Variants in UBXN7 observed in about 807,000 individuals in gnomAD.
UBXN7 encodes the protein UBX domain-containing protein 7.
A neutral mutation model predicts 58.0 loss-of-function variants in UBXN7; 9 were observed. That is an observed-to-expected ratio of 0.16 (90% CI 0.09 to 0.27). The LOEUF (loss-of-function observed/expected upper bound fraction) is 0.27. Ranked by LOEUF, UBXN7 falls within the 10% of genes least tolerant of loss-of-function variation. The pLI is 1.00. For missense variants in UBXN7, 328 were observed against 599.6 expected (o/e 0.55, Z 4.73); for synonymous variants, 208 against 205.0 (o/e 1.01, Z -0.12).
intron 5 of UBXN7, among the ~76,000 whole-genome samples, chr3:196,375,511 C>G (rs1169275928): frequency 6.6e-6 from 1 of 152,062 alleles, no homozygotes; most frequent in Non-Finnish European, 1.5e-5. Flanking sequence ...TAAAAATAAT[C>G]TAAGTATACC....
chr3:196,382,988 C>T (rs533415942), intron 5 of UBXN7, among the ~76,000 whole-genome samples: 194 of 151,922 alleles, frequency 1.3e-3, no homozygotes, highest in Admixed American at 3.8e-3. Context: ...TGGTGGCAGG[C>T]GCCTATAGTC....
Position 196,349,380 on chromosome 3 carries a change from G to C in UBXN7, c.*7305C>G, listed in dbSNP as rs1168011571. On this transcript the variant is annotated 3_prime_UTR_variant, in exon 11 of 11. Transcript: ENST00000296328. ...TTTCTGATGGCAACAGTCACTCCGT[G>C]TAAGGTTTAACTTACAGGGCAATAA... The C allele has an allele frequency of 6.6e-6, 1 of 152,166 alleles. No individual in the cohort carries two copies. Among genetic ancestry groups the C allele is most frequent in the Non-Finnish European group, 1.5e-5 (1 of 68,030 alleles). The allele number at this position is 152,166 out of a possible 1,614,324, so 9.4% of individuals were successfully genotyped here.
chr3:196,431,939 C>T, intron 1 of UBXN7: 1 of 398,662 alleles, frequency 2.5e-6, no homozygotes, highest in Non-Finnish European at 4.8e-6. Context: ...CACCGCACCG[C>T]AGGGCTGCAC....
intron 1 of UBXN7, among the ~76,000 whole-genome samples, chr3:196,408,501 G>A (rs1416011277): frequency 6.6e-6 from 1 of 152,116 alleles, no homozygotes; most frequent in Non-Finnish European, 1.5e-5. Context: ...AATGTCTAGT[G>A]ATAGAATGTA....
At chr3:196,371,194 T>C (rs138020262) in intron 6 of UBXN7, among the ~76,000 whole-genome samples, 1,771 of 152,328 alleles carry the variant, frequency 0.012, 20 homozygotes, top group South Asian at 0.038. Flanking sequence ...CACTGTCTAA[T>C]ACAGCAACCA....
chr3:196,413,604 G>C (rs149411952), intron 1 of UBXN7, among the ~76,000 whole-genome samples: 2 of 152,172 alleles, frequency 1.3e-5, no homozygotes, highest in African/African-American at 4.8e-5. Flanking sequence ...GTTAACCAAA[G>C]AGAGCTATAG....
chr3:196,369,785 T>G (rs1399087556), intron 6 of UBXN7, among the ~76,000 whole-genome samples: 1 of 152,156 alleles, frequency 6.6e-6, no homozygotes, highest in African/African-American at 2.4e-5. Context: ...AAGTTATCTG[T>G]CAACTATGTC....
chr3:196,389,547 G>A (rs1321364921), intron 5 of UBXN7, among the ~76,000 whole-genome samples: 1 of 152,128 alleles, frequency 6.6e-6, no homozygotes, highest in Non-Finnish European at 1.5e-5. Flanking sequence ...GTGGGGCCTC[G>A]TAGGTGGTGT....
intron 5 of UBXN7, among the ~76,000 whole-genome samples, chr3:196,390,858 A>T (rs1227379720): frequency 6.6e-6 from 1 of 152,212 alleles, no homozygotes; most frequent in Non-Finnish European, 1.5e-5. Flanking sequence ...ACCTCAACAG[A>T]AGAGTATCTA....
chr3:196,420,687 A>G (rs1341428404), intron 1 of UBXN7, among the ~76,000 whole-genome samples: 1 of 152,138 alleles, frequency 6.6e-6, no homozygotes, highest in Non-Finnish European at 1.5e-5. Context: ...CTTCTAAAAC[A>G]TCCTTTATCT....
chr3:196,378,050 CAT>C (rs1729085867), intron 5 of UBXN7, among the ~76,000 whole-genome samples: 1 of 152,144 alleles, frequency 6.6e-6, no homozygotes, highest in African/African-American at 2.4e-5. Flanking sequence ...CAAAGACAAA[CAT>C]ATGTATTATA....
chr3:196,415,199 C>T (rs1262264343), intron 1 of UBXN7, among the ~76,000 whole-genome samples: 1 of 145,170 alleles, frequency 6.9e-6, no homozygotes, highest in Non-Finnish European at 1.5e-5. Flanking sequence ...TGTTGCCAGG[C>T]TGAAAAGCAG....
rs1033140278 is a variant in UBXN7, at chr3:196,399,493, G to A, written c.289+3459C>T. Among the ~76,000 whole-genome samples, 24 of 152,136 alleles carry A rather than the reference G, an allele frequency of 1.6e-4. 1 individual carries two copies. The highest frequency in any genetic ancestry group is 1.6e-3 in the Admixed American group (24 of 15,262). On this transcript the variant is annotated intron_variant, in intron 3 of 10. Coordinates refer to ENST00000296328, the MANE Select transcript of UBXN7 (RefSeq NM_015562.2). ...ACTCTGTTATACAGGCTGCAGTGCA[G>A]TGGCATGATCATAGTTCACTGCAGC...
chr3:196,356,899 A>G (rs1487705531), intron 10 of UBXN7, 53 bp from the exon 11 acceptor site: 4 of 1,555,210 alleles, frequency 2.6e-6, no homozygotes, highest in Non-Finnish European at 8.7e-7. Context: ...AGGAAAGAGC[A>G]TATTAGTGAA....
intron 3 of UBXN7, among the ~76,000 whole-genome samples, chr3:196,402,489 T>G (rs1443254947): frequency 6.6e-6 from 1 of 152,214 alleles, no homozygotes; most frequent in Non-Finnish European, 1.5e-5. Context: ...TAAATTAATC[T>G]GATTAAATGT....
At chr3:196,371,823 A>G in intron 6 of UBXN7, 73 bp downstream of exon 6, 2 of 1,543,024 alleles carry the variant, frequency 1.3e-6, no homozygotes, top group Non-Finnish European at 1.7e-6. Flanking sequence ...ATTATAACCC[A>G]ATTCCTTTCC....
At position 196,368,114 on chromosome 3, in the gene UBXN7, A is replaced by G. The variant is rs768821896; in HGVS notation, c.748T>C (p.Phe250Leu). ...AGAAATCCCGTCACTTGGTCCAAGA[A>G]AGAAGATACATCTAACTGGTGCCAT... The part of the protein sequence containing the change: ...VEWHQLDVSS[F>L]LDQVTGFLGE... Residue 250 changes from phenylalanine (F) to leucine (L), a missense_variant, in exon 8 of 11, where the codon TTC (phenylalanine) becomes CTC (leucine). Phe to Leu is a conservative substitution (Grantham distance 22, BLOSUM62 0). Coordinates refer to ENST00000296328, the MANE Select transcript of UBXN7 (RefSeq NM_015562.2). The G allele has an allele frequency of 1.2e-6, 2 of 1,614,018 alleles. No individual in the cohort carries two copies. Among genetic ancestry groups the G allele is most frequent in the African/African-American group, 2.7e-5 (2 of 74,932 alleles).
chr3:196,363,472 T>C (rs6770487), intron 8 of UBXN7, among the ~76,000 whole-genome samples: 17,965 of 150,576 alleles, frequency 0.12, 1,405 homozygotes, highest in South Asian at 0.19. Flanking sequence ...CTGGCCAACA[T>C]GGTGAAACCC....
chr3:196,361,846 G>C lies in UBXN7; in HGVS notation c.1306C>G (p.Leu436Val). The stretch of plus-strand genomic sequence containing the variant: ...AACCAAAGCAAGCCTGTACTTACTA[G>C]CAGTTTAGCTTGCTCTGGAAGAGTG... ...QITLPEQAKL[L>V]ALVKHVQSKG... The change falls in exon 10 of 11, where the codon CTA becomes GTA. Residue 436 changes from leucine to valine, a missense_variant and splice_region_variant. Around this residue, in one of 4 missense-constraint regions of UBXN7, gnomAD observed 30 missense variants for 94.8 expected, o/e 0.32. Transcript: ENST00000296328. The C allele has an allele frequency of 6.2e-7, 1 of 1,613,122 alleles. No homozygotes were observed. Among genetic ancestry groups the C allele is most frequent in the Non-Finnish European group, 8.5e-7 (1 of 1,179,660 alleles).
Sources: allele counts gnomAD v4.1 joint callset (sites outside exome capture counted in the v4.1 genomes callset), GRCh38; gene constraint gnomAD v4.1.1; regional missense constraint gnomAD v4.1.1; transcripts MANE v1.5; gene names NCBI Gene and HGNC (gene_info 2026-07-23, HGNC 2026-07-21).